NFS1: variants seen among roughly 807,000 people sequenced by gnomAD.
NFS1 encodes the protein NFS1 cysteine desulfurase.
Under a neutral mutation model 57.3 loss-of-function variants are expected in NFS1, and 26 were observed. The observed-to-expected ratio is 0.45, with a 90% CI of 0.33 to 0.63. The LOEUF (loss-of-function observed/expected upper bound fraction) is 0.63, where lower values mean the gene tolerates loss of function less well. Among genes scored for constraint, NFS1 ranks in the 20% least tolerant of loss-of-function variants. NFS1 has a pLI of 0.02. For synonymous variants in NFS1, 209 were observed against 216.3 expected, an observed-to-expected ratio of 0.97 and a Z score of 0.30; for missense variants, 505 against 605.8, an observed-to-expected ratio of 0.83 and a Z score of 1.75.
chr20:35,696,786 T>C (rs1601538702), intron 3 of NFS1, among the ~76,000 whole-genome samples: 1 of 152,084 alleles, frequency 6.6e-6, no homozygotes, highest in Non-Finnish European at 1.5e-5. Flanking sequence ...CTGGCCAACA[T>C]GGTGAAACTC....
At chr20:35,691,353 G>A (rs2035036521) in intron 4 of NFS1, among the ~76,000 whole-genome samples, 1 of 148,974 alleles carries the variant, frequency 6.7e-6, no homozygotes, top group Non-Finnish European at 1.5e-5. Context: ...AGGTATTACT[G>A]TTAATATCAC....
intron 3 of NFS1, 136 bp downstream of exon 3, chr20:35,697,548 G>T: frequency 1.7e-6 from 1 of 591,574 alleles, no homozygotes; most frequent in Admixed American, 3.0e-5. Flanking sequence ...CAAACTCCAA[G>T]GCTGCTCTTT....
intron 7 of NFS1, among the ~76,000 whole-genome samples, chr20:35,678,539 A>G (rs2034796276): frequency 6.7e-6 from 1 of 150,256 alleles, no homozygotes; most frequent in Non-Finnish European, 1.5e-5. Context: ...AAAAAAAAAA[A>G]AAAAAAAAAT....
rs779074755 is a variant in NFS1 at position 35,690,394 on chromosome 20, T to A, written c.561+19A>T. ...CAGGCTCCTCCATTTTTGCTCCTCC[T>A]GCCAATAGCCACTCCTACCTTTAGG... On this transcript the variant is annotated intron_variant, in intron 5 of 12. Transcript: ENST00000374092. 62 of 1,606,848 alleles carry A rather than the reference T, an allele frequency of 3.9e-5. No homozygotes were observed. The highest frequency in any genetic ancestry group is 4.5e-5 in the Non-Finnish European group (53 of 1,177,796).
At chr20:35,670,124 C>T (rs967029906) in intron 12 of NFS1, among the ~76,000 whole-genome samples, 2 of 152,192 alleles carry the variant, frequency 1.3e-5, no homozygotes, top group Non-Finnish European at 1.5e-5. Flanking sequence ...ACATATTACC[C>T]GCTTTTCAGC....
rs142834576 is a variant in NFS1, at chr20:35,672,765, G to A, written c.1300C>T (p.Arg434Ter). Residue 434 changes from arginine to a stop codon, truncating the protein, a stop_gained, in exon 12 of 13, where the codon CGA becomes TGA. Coordinates refer to ENST00000374092, the MANE Select transcript of NFS1 (RefSeq NM_021100.5). LOFTEE classifies it high-confidence loss of function. ...EKCIQHVKRL[R>*]EMSPLWEMVQ... ...ATACAATATGTATACCTCATTTCTC[G>A]AAGACGCTTCACATGCTGAATGCAT... 3.7e-6 allele frequency: 6 copies of A among 1,608,184 alleles called. No homozygotes were observed. The highest frequency in any genetic ancestry group is 2.2e-5 in the South Asian group (2 of 90,954).
At chr20:35,672,994 G>A in intron 11 of NFS1, 150 bp from the exon 12 acceptor site, 1 of 601,908 alleles carries the variant, frequency 1.7e-6, no homozygotes, top group Non-Finnish European at 2.9e-6. Context: ...CTCAGAACAT[G>A]GTATATGGAT....
At chr20:35,691,638 G>A (rs1420692971) in intron 4 of NFS1, among the ~76,000 whole-genome samples, 1 of 150,662 alleles carries the variant, frequency 6.6e-6, no homozygotes, top group African/African-American at 2.5e-5. Context: ...CTACTCAGGA[G>A]GCTGAGGGAG....
rs141036527 is a variant in NFS1, at chr20:35,697,771, A to C, written c.237T>G (p.Pro79=). 2 of 1,613,632 alleles carry C rather than the reference A, an allele frequency of 1.2e-6. No homozygotes were observed. The highest frequency in any genetic ancestry group is 1.7e-6 in the Non-Finnish European group (2 of 1,179,868). ...LDPRVLDAML[P]YLINYYGNPH... is the part of the protein sequence containing the mutation. ...GGTTCCCATAGTAGTTGATTAGGTA[A>C]GGGAGCATGGCATCAAGCACCCGGG... The change falls in exon 3 of 13, where the codon CCT becomes CCG. Residue 79 remains proline, a synonymous_variant. Transcript: ENST00000374092.
intron 5 of NFS1, among the ~76,000 whole-genome samples, chr20:35,683,858 T>TA (rs1184900309): frequency 6.7e-6 from 1 of 149,620 alleles, no homozygotes; most frequent in African/African-American, 2.5e-5. Context: ...CTGGGTATGG[T>TA]GGCTCACGCC....
In NFS1 at chr20:35,677,585, A is replaced by T. The variant is rs57432344; in HGVS notation, c.791-2383T>A. ...AATGCGTATAACCTGTGACTAAACAAGCCGAATTACAGAAATTTTGTGCCA... is the reference window on the plus strand; with the variant it reads ...AATGCGTATAACCTGTGACTAAACATGCCGAATTACAGAAATTTTGTGCCA... On this transcript the variant is annotated intron_variant, in intron 7 of 12. Transcript: ENST00000374092. Among the ~76,000 whole-genome samples the T allele has an allele frequency of 6.4e-3, 970 of 152,308 alleles. 8 individuals carry two copies. The highest frequency in any genetic ancestry group is 0.04 in the East Asian group (210 of 5,188).
intron 7 of NFS1, 28 bp from the exon 8 acceptor site, chr20:35,675,230 CAG>C: frequency 6.4e-7 from 1 of 1,567,130 alleles, no homozygotes; most frequent in South Asian, 1.2e-5. Flanking sequence ...TTACAAAAAA[CAG>C]AAAGAGAGAA....
At chr20:35,698,282 A>G (rs534694273) in intron 2 of NFS1, among the ~76,000 whole-genome samples, 199 bp downstream of exon 2, 1 of 152,384 alleles carries the variant, frequency 6.6e-6, no homozygotes, top group South Asian at 2.1e-4. Flanking sequence ...CGCTGAAGTG[A>G]TCTGACCAAG....
At chr20:35,673,962 C>T (rs1170858645) in intron 10 of NFS1, 10 of 447,384 alleles carry the variant, frequency 2.2e-5, no homozygotes, top group Non-Finnish European at 4.1e-5. Context: ...GACAAGAAGA[C>T]GCAGCAGAGG....
intron 11 of NFS1, 110 bp downstream of exon 11, chr20:35,673,490 AG>A: frequency 1.2e-6 from 1 of 823,074 alleles, no homozygotes; most frequent in Non-Finnish European, 2.0e-6. Context: ...AGAAGAGATA[AG>A]GAGAACTCGA....
intron 4 of NFS1, chr20:35,694,472 C>T (rs2146438337): frequency 6.6e-6 from 1 of 152,088 alleles, no homozygotes; most frequent in Admixed American, 6.6e-5. Context: ...AAAATAAACA[C>T]ATAAATAAAA....
intron 9 of NFS1, 24 bp downstream of exon 9, chr20:35,674,488 A>G (rs771441961): frequency 1.2e-6 from 2 of 1,611,306 alleles, no homozygotes; most frequent in Non-Finnish European, 1.7e-6. Context: ...TACCAGAATG[A>G]GGATAGAAAG....
At chr20:35,686,120 G>A (rs1323945829) in intron 5 of NFS1, among the ~76,000 whole-genome samples, 4 of 150,974 alleles carry the variant, frequency 2.6e-5, no homozygotes, top group Admixed American at 1.3e-4. Context: ...TAGTAGAGAC[G>A]GGGTTTCACC....
At chr20:35,683,726 G>A (rs2034889654) in intron 5 of NFS1, among the ~76,000 whole-genome samples, 1 of 147,294 alleles carries the variant, frequency 6.8e-6, no homozygotes, top group South Asian at 2.2e-4. Context: ...AGGTTGCAGT[G>A]AGCCGAGATT....
Sources: allele counts gnomAD v4.1 joint callset (sites outside exome capture counted in the v4.1 genomes callset), GRCh38; gene constraint gnomAD v4.1.1; transcripts MANE v1.5; gene names NCBI Gene and HGNC (gene_info 2026-07-23, HGNC 2026-07-21).